The following DLG5 variants were observed in gnomAD, a reference collection of about 807,000 sequenced individuals.
DLG5 encodes disks large homolog 5.
DLG5 carries 48 observed loss-of-function variants against 189.8 expected under a neutral mutation model. The ratio of observed to expected loss-of-function variants is 0.25; its 90% confidence interval spans 0.20 to 0.32. DLG5 has a LOEUF of 0.32. Ranked by LOEUF, DLG5 falls within the 10% of genes least tolerant of loss-of-function variation. The pLI, the probability that DLG5 is intolerant of heterozygous loss-of-function variation, is 1.00. For synonymous variants in DLG5, 1,016 were observed against 1,054.1 expected (o/e 0.96, Z 0.70); for missense variants, 2,160 against 2,544.7 (o/e 0.85, Z 3.25).
rs753964604 is a variant in DLG5 at position 77,811,214 on chromosome 10, C to T, written c.4343G>A (p.Gly1448Asp). Residue 1448 changes from glycine (G) to aspartate (D), a missense_variant, in exon 23 of 32, where the codon GGT (glycine) becomes GAT (aspartate). Around this residue, in one of 5 missense-constraint regions of DLG5, gnomAD observed 574 missense variants for 644.2 expected, o/e 0.89. Transcript: ENST00000372391. The stretch of plus-strand genomic sequence containing the variant: ...ACTGCCCTGGAGAGTGGAGTGGGTA[C>T]CGGCAGGGTCCAGGTGTGAGCTGGA... The part of the protein sequence containing the change: ...SRSSSHLDPA[G>D]THSTLQGSGT... 1.4e-5 allele frequency: 23 copies of T among 1,612,982 alleles called. No homozygotes were observed. Among genetic ancestry groups the T allele is most frequent in the East Asian group, 6.7e-5 (3 of 44,812 alleles).
intron 17 of DLG5, among the ~76,000 whole-genome samples, chr10:77,818,522 G>A (rs887852646): frequency 4.6e-5 from 7 of 152,212 alleles, no homozygotes; most frequent in African/African-American, 9.6e-5. Context: ...TTCTTGACTC[G>A]CTGCCCCTTT....
In DLG5 at chr10:77,873,006, C is replaced by A. The variant is rs1016812944; in HGVS notation, c.305-3809G>T. On this transcript the variant is annotated intron_variant, in intron 1 of 31. Transcript: ENST00000372391. ...GGGCTAAGGGGGACTGTAGGATCAG[C>A]CTCCTGATGTGTGTGTGTGTGTGTG... Among the ~76,000 whole-genome samples the A allele has an allele frequency of 3.4e-5, 4 of 118,972 alleles. No individual in the cohort carries two copies. In the East Asian group the frequency reaches 1.0e-3, roughly 31 times the overall value. The allele number at this position is 118,972 out of a possible 152,430, so 78.1% of individuals were successfully genotyped here.
At chr10:77,910,617 G>A (rs1846190065) in intron 1 of DLG5, among the ~76,000 whole-genome samples, 1 of 152,170 alleles carries the variant, frequency 6.6e-6, no homozygotes, top group Non-Finnish European at 1.5e-5. Flanking sequence ...AAAATAAGGA[G>A]TTTGGGCAAA....
intron 29 of DLG5, 117 bp downstream of exon 29, chr10:77,795,944 G>T: frequency 6.9e-7 from 1 of 1,449,724 alleles, no homozygotes; most frequent in Non-Finnish European, 9.6e-7. Flanking sequence ...AACACAACAC[G>T]GTGGGCTCAC....
chr10:77,817,482 C>T (rs1016967996), intron 18 of DLG5, among the ~76,000 whole-genome samples: 6 of 152,216 alleles, frequency 3.9e-5, no homozygotes, highest in Admixed American at 1.3e-4. Context: ...ACAAAACAGT[C>T]CAGAATGAGG....
At position 77,821,778 on chromosome 10, in the gene DLG5, G is replaced by T. The variant is rs1842375966; in HGVS notation, c.2706C>A (p.Asp902Glu). ...LSSFRSDASG[D>E]RGFGLVDVRG... ...GCACGTCCACCAGCCCAAAGCCACG[G>T]TCCCCAGAGGCATCTGAGCGGAAGG... The change falls in exon 15 of 32, where the codon GAC (aspartate) becomes GAA (glutamate). Residue 902 changes from aspartate (D) to glutamate (E), a missense_variant. Physicochemically the swap from Asp to Glu is conservative, Grantham distance 45. Coordinates refer to ENST00000372391, the MANE Select transcript of DLG5 (RefSeq NM_004747.4). 1.2e-6 allele frequency: 2 copies of T among 1,610,392 alleles called. No homozygotes were observed. The highest frequency in any genetic ancestry group is 8.5e-7 in the Non-Finnish European group (1 of 1,178,622).
At chr10:77,909,130 G>C (rs1417160149) in intron 1 of DLG5, among the ~76,000 whole-genome samples, 1 of 152,198 alleles carries the variant, frequency 6.6e-6, no homozygotes, top group African/African-American at 2.4e-5. Context: ...TTGCTGGAGA[G>C]ATAGACAGAT....
upstream of DLG5, among the ~76,000 whole-genome samples, chr10:77,931,031 G>C (rs1404205843): frequency 1.3e-5 from 2 of 151,718 alleles, no homozygotes; most frequent in Admixed American, 1.3e-4. Context: ...TGTTGGTCAG[G>C]CTGGTCTCGA....
At chr10:77,920,521 A>T (rs1360526267) in intron 1 of DLG5, among the ~76,000 whole-genome samples, 1 of 152,100 alleles carries the variant, frequency 6.6e-6, no homozygotes, top group Non-Finnish European at 1.5e-5. Context: ...CTAAAAACCC[A>T]CATAGTGTTG....
chr10:77,880,078 G>A (rs1264136862), intron 1 of DLG5, among the ~76,000 whole-genome samples: 1 of 152,150 alleles, frequency 6.6e-6, no homozygotes, highest in Non-Finnish European at 1.5e-5. Flanking sequence ...GCATGCAGGG[G>A]CTAAGGGAAG....
At chr10:77,867,849 G>A (rs557442645) in intron 2 of DLG5, 2 of 440,354 alleles carry the variant, frequency 4.5e-6, no homozygotes, top group African/African-American at 4.0e-5. Flanking sequence ...CTTTACAGAT[G>A]ATCAATTTAA....
At chr10:77,842,298 C>A (rs1031906479) in intron 6 of DLG5, 105 bp from the exon 7 acceptor site, 5 of 1,380,530 alleles carry the variant, frequency 3.6e-6, no homozygotes, top group East Asian at 4.6e-5. Context: ...GACAGTCAAG[C>A]GTGAAGTTTC....
Position 77,926,698 on chromosome 10 carries a change from G to C in DLG5, c.-178C>G, listed in dbSNP as rs1234099068. 6.7e-6 allele frequency among the ~76,000 whole-genome samples: 1 copy of C among 149,980 alleles called. No individual in the cohort carries two copies. The highest frequency in any genetic ancestry group is 1.5e-5 in the Non-Finnish European group (1 of 67,246). On this transcript the variant is annotated 5_prime_UTR_variant, in exon 1 of 32. Transcript: ENST00000372391. This position sits in a 1 kb window ranked among gnomAD's most constrained non-coding sequence, Gnocchi z 5.2. ...CCGGGGCGGCGGGCGGCGCTCAGCA[G>C]CGGCCGCCTCCCGGGCTCCGGAGCG...
chr10:77,930,976 A>G (rs1185458076), upstream of DLG5, among the ~76,000 whole-genome samples: 1 of 151,518 alleles, frequency 6.6e-6, no homozygotes, highest in East Asian at 2.0e-4. Flanking sequence ...ATGTGCCACC[A>G]CACCTGGCTA....
At chr10:77,851,179 C>T (rs973026736) in intron 5 of DLG5, among the ~76,000 whole-genome samples, 1 of 152,236 alleles carries the variant, frequency 6.6e-6, no homozygotes, top group Non-Finnish European at 1.5e-5. Flanking sequence ...GACACAGCAC[C>T]GCCATCCTTA....
intron 1 of DLG5, among the ~76,000 whole-genome samples, chr10:77,923,794 G>A (rs1846605901): frequency 6.6e-6 from 1 of 152,326 alleles, no homozygotes; most frequent in Middle Eastern, 3.4e-3. Context: ...ACTGTTTGCT[G>A]ACACACCATG....
At chr10:77,850,645 C>T (rs1183574354) in intron 5 of DLG5, among the ~76,000 whole-genome samples, 1 of 152,182 alleles carries the variant, frequency 6.6e-6, no homozygotes, top group African/African-American at 2.4e-5. Flanking sequence ...CCACCAACAA[C>T]ATATGCAGGT....
chr10:77,885,395 A>T (rs902355942), intron 1 of DLG5, among the ~76,000 whole-genome samples: 1 of 152,244 alleles, frequency 6.6e-6, no homozygotes, highest in Non-Finnish European at 1.5e-5. Context: ...AAATGCATAA[A>T]GGGATGTAGA....
At chr10:77,858,909 G>C (rs1844361484) in intron 2 of DLG5, among the ~76,000 whole-genome samples, 1 of 152,096 alleles carries the variant, frequency 6.6e-6, no homozygotes, top group Admixed American at 6.5e-5. Flanking sequence ...GGGTCTTGTT[G>C]TCACCCAGGC....
Sources: allele counts gnomAD v4.1 joint callset (sites outside exome capture counted in the v4.1 genomes callset), GRCh38; gene constraint gnomAD v4.1.1; regional missense constraint gnomAD v4.1.1; non-coding constraint Gnocchi (gnomAD v3.1); transcripts MANE v1.5; gene names NCBI Gene and HGNC (gene_info 2026-07-23, HGNC 2026-07-21).